The following RPRD2 variants were observed in gnomAD, a reference collection of about 807,000 sequenced individuals.
RPRD2 encodes the protein regulation of nuclear pre-mRNA domain containing 2.
Under a neutral mutation model 104.4 loss-of-function variants are expected in RPRD2, and 12 were observed. The observed-to-expected ratio is 0.11, with a 90% CI of 0.07 to 0.19. The LOEUF is 0.19. Ranked by LOEUF, RPRD2 falls within the 10% of genes least tolerant of loss-of-function variation. RPRD2 has a pLI of 1.00. For missense variants in RPRD2, 1,543 were observed against 1,790.1 expected, an observed-to-expected ratio of 0.86 and a Z score of 2.49; for synonymous variants, 714 against 684.9, an observed-to-expected ratio of 1.04 and a Z score of -0.66.
intron 7 of RPRD2, 131 bp downstream of exon 7, chr1:150,446,532 A>G (rs1025235210): frequency 5.0e-6 from 4 of 802,342 alleles, no homozygotes; most frequent in African/African-American, 3.5e-5. Context: ...TACTTTTGGG[A>G]TAGGTGCTGT....
At chr1:150,396,937 A>G (rs1338234168) in intron 1 of RPRD2, among the ~76,000 whole-genome samples, 3 of 152,156 alleles carry the variant, frequency 2.0e-5, no homozygotes, top group African/African-American at 7.2e-5. Context: ...ACCATAATAA[A>G]TATATAAATT....
At chr1:150,402,363 A>T (rs1003714287) in intron 1 of RPRD2, among the ~76,000 whole-genome samples, 4 of 152,228 alleles carry the variant, frequency 2.6e-5, no homozygotes, top group Non-Finnish European at 5.9e-5. Flanking sequence ...TATTCATGTC[A>T]GCTTTATTTA....
At chr1:150,388,615 AATT>A (rs1661824045) in intron 1 of RPRD2, among the ~76,000 whole-genome samples, 2 of 138,164 alleles carry the variant, frequency 1.4e-5, no homozygotes, top group African/African-American at 6.0e-5. Context: ...ATTGATATGT[AATT>A]TTTTTTTTTT....
intron 1 of RPRD2, among the ~76,000 whole-genome samples, chr1:150,407,679 C>T (rs1663583201): frequency 6.6e-6 from 1 of 152,104 alleles, no homozygotes; most frequent in Non-Finnish European, 1.5e-5. Context: ...TTCTTGTTAA[C>T]CCTCAACAAA....
chr1:150,430,514 A>G (rs1225096640), intron 2 of RPRD2, among the ~76,000 whole-genome samples: 6 of 152,164 alleles, frequency 3.9e-5, no homozygotes, highest in African/African-American at 1.4e-4. Flanking sequence ...AAAAAAATAC[A>G]AATTAGGCAG....
intron 1 of RPRD2, among the ~76,000 whole-genome samples, chr1:150,390,437 T>C (rs1424837169): frequency 6.6e-6 from 1 of 151,972 alleles, no homozygotes; most frequent in Non-Finnish European, 1.5e-5. Context: ...AGGCAGAAGT[T>C]GCAGTGAGCC....
chr1:150,463,177 TG>T (rs1553899196), intron 9 of RPRD2, among the ~76,000 whole-genome samples: 1 of 152,044 alleles, frequency 6.6e-6, no homozygotes. Flanking sequence ...AAATAAATTT[TG>T]CCAGGCAAGG....
intron 2 of RPRD2, among the ~76,000 whole-genome samples, chr1:150,433,415 T>TACACAC (rs59986598): frequency 1.8e-4 from 25 of 136,950 alleles, no homozygotes; most frequent in East Asian, 1.4e-3. Context: ...ATACTATATA[T>TACACAC]ACACACACAC....
chr1:150,376,594 G>T (rs1330153578), intron 1 of RPRD2, among the ~76,000 whole-genome samples: 5 of 150,020 alleles, frequency 3.3e-5, no homozygotes, highest in African/African-American at 1.2e-4. Flanking sequence ...TCCGCCTCCC[G>T]GGTTCACGCC....
intron 1 of RPRD2, among the ~76,000 whole-genome samples, chr1:150,394,608 T>C (rs587740521): frequency 6.6e-6 from 1 of 152,086 alleles, no homozygotes; most frequent in African/African-American, 2.4e-5. Flanking sequence ...TGTTTTTGTT[T>C]TGAGACGAAG....
At chr1:150,370,620 G>A (rs1274354013) in intron 1 of RPRD2, among the ~76,000 whole-genome samples, 1 of 136,826 alleles carries the variant, frequency 7.3e-6, no homozygotes, top group African/African-American at 2.7e-5. Context: ...TGTCACCCAG[G>A]CTGGAGTGCA....
At chr1:150,438,073 G>T (rs1187559174) in intron 2 of RPRD2, among the ~76,000 whole-genome samples, 1 of 149,838 alleles carries the variant, frequency 6.7e-6, no homozygotes, top group African/African-American at 2.5e-5. Context: ...CATGAGGTCA[G>T]GAGTTTGAGA....
At chr1:150,399,365 C>T (rs1662791238) in intron 1 of RPRD2, among the ~76,000 whole-genome samples, 1 of 152,110 alleles carries the variant, frequency 6.6e-6, no homozygotes, top group Non-Finnish European at 1.5e-5. Flanking sequence ...AGATATGGCT[C>T]AATTTTTTAA....
chr1:150,375,316 T>G (rs1264963334), intron 1 of RPRD2, among the ~76,000 whole-genome samples: 1 of 152,202 alleles, frequency 6.6e-6, no homozygotes, highest in Non-Finnish European at 1.5e-5. Flanking sequence ...GAGTAAATTT[T>G]GTAGCAAATA....
intron 2 of RPRD2, among the ~76,000 whole-genome samples, chr1:150,425,032 G>T (rs1665023042): frequency 6.6e-6 from 1 of 152,130 alleles, no homozygotes; most frequent in Admixed American, 6.5e-5. Flanking sequence ...ATAGTCTCTG[G>T]AACCAGTGTG....
In RPRD2 at chr1:150,452,661, C is replaced by CCTTTTTTTTTTTTTTTTTTTTTTTTTTT. The variant is rs1553896876; in HGVS notation, c.871-4627_871-4626insCTTTTTTTTTTTTTTTTTTTTTTTTTTT. Among the ~76,000 whole-genome samples, 2 of 71,220 alleles carry CCTTTTTTTTTTTTTTTTTTTTTTTTTTT rather than the reference C, an allele frequency of 2.8e-5. 1 individual carries two copies. The highest frequency in any genetic ancestry group is 1.1e-4 in the African/African-American group (2 of 17,432). 46.7% of individuals were successfully genotyped at this position (71,220 alleles called of 152,430 possible). ...TTTCTGTGTTCTTTTGACATATCCC[C>CCTTTTTTTTTTTTTTTTTTTTTTTTTTT]TTTTTTTTTTTTTTTTTTTTTTTTT... On this transcript the variant is annotated intron_variant, in intron 7 of 10. Transcript: ENST00000369068.
chr1:150,437,977 T>A (rs1490931566), intron 2 of RPRD2, among the ~76,000 whole-genome samples: 17 of 129,624 alleles, frequency 1.3e-4, no homozygotes, highest in Middle Eastern at 4.1e-3. Context: ...TGTCATTATT[T>A]AAAAAAAAAA....
intron 9 of RPRD2, 49 bp from the exon 10 acceptor site, chr1:150,464,478 T>TG: frequency 6.9e-7 from 1 of 1,452,568 alleles, no homozygotes; most frequent in South Asian, 1.2e-5. Flanking sequence ...TATCGGAAAT[T>TG]GAAGTCATTT....
Position 150,364,655 on chromosome 1 carries a change from C to CCCGCCGCCGCCGCCGCCG in RPRD2, c.-51_-34dup, listed in dbSNP as rs373198505. The CCCGCCGCCGCCGCCGCCG allele has an allele frequency of 1.2e-6, 1 of 804,626 alleles. No homozygotes were observed. The highest frequency in any genetic ancestry group is 3.2e-5 in the Admixed American group (1 of 31,666). 49.8% of individuals were successfully genotyped at this position (804,626 alleles called of 1,614,324 possible). A position where few individuals can be genotyped will look rare whatever the true frequency, so the allele number is the denominator to read the frequency against. Reference sequence around the variant, plus strand: ...ACTCGCAGTGATTGTTTTGCCCGCTCCCGCCGCCGCCGCCGCCGCCGCCGC... The same window carrying CCCGCCGCCGCCGCCGCCG: ...ACTCGCAGTGATTGTTTTGCCCGCTCCCGCCGCCGCCGCCGCCGCCGCCGCCGCCGCCGCCGCCGCCGC... On this transcript the variant is annotated 5_prime_UTR_variant, in exon 1 of 11. Coordinates refer to ENST00000369068, the MANE Select transcript of RPRD2 (RefSeq NM_015203.5).
Sources: gnomAD v4.1 joint callset for allele counts (sites outside exome capture counted in the v4.1 genomes callset) on GRCh38, gnomAD v4.1.1 for gene constraint, MANE v1.5 for transcripts, NCBI Gene and HGNC (gene_info 2026-07-23, HGNC 2026-07-21) for gene names.